EPS8: variants seen among roughly 807,000 people sequenced by gnomAD.
The protein encoded by EPS8 is epidermal growth factor receptor kinase substrate 8.
EPS8 carries 42 observed loss-of-function variants against 103.8 expected under a neutral mutation model. That is an observed-to-expected ratio of 0.40 (90% confidence interval 0.32 to 0.52). The LOEUF is 0.52. EPS8 is among the 20% of genes least tolerant of loss of function. The probability of loss-of-function intolerance (pLI) is 0.40; values close to 1 mark genes in which losing one functional copy is unlikely to be tolerated. For missense variants in EPS8, 969 were observed against 1,005.1 expected (o/e 0.96, Z 0.49); for synonymous variants, 344 against 344.6 (o/e 1.00, Z 0.02).
At chr12:15,685,760 GA>G (rs1279511390) in intron 1 of EPS8, among the ~76,000 whole-genome samples, 1 of 152,110 alleles carries the variant, frequency 6.6e-6, no homozygotes, top group East Asian at 1.9e-4. Context: ...CCATGCGGAG[GA>G]AACAATTACA....
chr12:15,624,620 C>T (rs1015209968), intron 18 of EPS8, among the ~76,000 whole-genome samples: 1 of 152,154 alleles, frequency 6.6e-6, no homozygotes, highest in South Asian at 2.1e-4. Context: ...CATTGTACTC[C>T]TTTGGCAAAA....
At chr12:15,665,943 A>G in intron 7 of EPS8, 51 bp from the exon 8 acceptor site, 2 of 1,567,428 alleles carry the variant, frequency 1.3e-6, no homozygotes, top group Non-Finnish European at 1.7e-6. Flanking sequence ...TTTCTATAAC[A>G]TATCAATTAA....
intron 13 of EPS8, 81 bp downstream of exon 13, chr12:15,654,064 G>T: frequency 7.5e-7 from 1 of 1,340,664 alleles, no homozygotes; most frequent in Non-Finnish European, 1.1e-6. Flanking sequence ...TTCGTATGTA[G>T]AAGGTTAAAT....
chr12:15,647,320 GGTCA>G lies in EPS8; in HGVS notation c.1435-64_1435-61del, dbSNP rs1945337369. On this transcript the variant is annotated intron_variant, in intron 14 of 20. Transcript: ENST00000281172. ...CAAATACTATTTGAATCAGCACTCA[GGTCA>G]GTCAACAAGATCTCTCAACTATATT... 2.0e-6 allele frequency: 3 copies of G among 1,474,260 alleles called. No homozygotes were observed. In the South Asian group the frequency reaches 3.8e-5, roughly 19 times the overall value. 91.3% of individuals were successfully genotyped at this position (1,474,260 alleles called of 1,614,324 possible).
At chr12:15,672,212 A>G (rs569933980) in intron 3 of EPS8, among the ~76,000 whole-genome samples, 2 of 152,300 alleles carry the variant, frequency 1.3e-5, no homozygotes, top group South Asian at 4.1e-4. Context: ...GTACAAAAAT[A>G]TAAAGTGCAT....
intron 14 of EPS8, 83 bp from the exon 15 acceptor site, chr12:15,647,343 C>A: frequency 8.3e-7 from 1 of 1,210,760 alleles, no homozygotes; most frequent in Non-Finnish European, 1.2e-6. Flanking sequence ...GATCTCTCAA[C>A]TATATTGTGA....
In EPS8 at chr12:15,731,175, G is replaced by A. The variant is rs1352556774; in HGVS notation, c.-21-48203C>T. Among the ~76,000 whole-genome samples, 1 of 152,178 alleles carries A rather than the reference G, an allele frequency of 6.6e-6. No homozygotes were observed. Among genetic ancestry groups the A allele is most frequent in the African/African-American group, 2.4e-5 (1 of 41,450 alleles). Reference sequence around the variant, plus strand: ...CAACTGCTATCCAGGTTTTTAGCTAGCTTAACCAAATCCTCTAAACAGAAT... The same window carrying A: ...CAACTGCTATCCAGGTTTTTAGCTAACTTAACCAAATCCTCTAAACAGAAT... On this transcript the variant is annotated intron_variant, in intron 1 of 20. Coordinates refer to ENST00000281172, the MANE Select transcript of EPS8 (RefSeq NM_004447.6). The surrounding 1 kb of genome is among the most constrained non-coding windows in gnomAD (Gnocchi z 5.1).
rs577358001 is a variant in EPS8, at chr12:15,702,741, C to T, written c.-21-19769G>A. 7.9e-5 allele frequency among the ~76,000 whole-genome samples: 12 copies of T among 152,074 alleles called. No homozygotes were observed. The highest frequency in any genetic ancestry group is 3.9e-4 in the Admixed American group (6 of 15,272). Reference sequence around the variant, plus strand: ...TGCATGCTTAATATTTTACCTATATCCAATACATATATATCCAGTATATTA... The same window carrying T: ...TGCATGCTTAATATTTTACCTATATTCAATACATATATATCCAGTATATTA... On this transcript the variant is annotated intron_variant, in intron 1 of 20. Transcript: ENST00000281172. The surrounding 1 kb of genome is among the most constrained non-coding windows in gnomAD (Gnocchi z 5.1).
intron 1 of EPS8, among the ~76,000 whole-genome samples, chr12:15,768,027 C>T (rs1250265467): frequency 6.6e-6 from 1 of 152,052 alleles, no homozygotes; most frequent in African/African-American, 2.4e-5. Context: ...TAAGTAAAAA[C>T]CAAAGACTTA....
In EPS8 at chr12:15,748,559, T is replaced by G. The variant is rs979641293; in HGVS notation, c.-22+40602A>C. Among the ~76,000 whole-genome samples the G allele has an allele frequency of 1.3e-5, 2 of 152,144 alleles. No individual in the cohort carries two copies. The highest frequency in any genetic ancestry group is 2.9e-5 in the Non-Finnish European group (2 of 68,032). On this transcript the variant is annotated intron_variant, in intron 1 of 20. Coordinates refer to ENST00000281172, the MANE Select transcript of EPS8 (RefSeq NM_004447.6). The surrounding 1 kb of genome is among the most constrained non-coding windows in gnomAD (Gnocchi z 4.8). ...CTTAAAGATCTCCAGGGAGAGAAAT[T>G]CCACAGCTCCCTTGGTATTTTTCAC...
rs549055022 is a variant in EPS8, at chr12:15,721,321, A to G, written c.-21-38349T>C. ...AAAATAAACCTAACACACACCAAATAGATTTTTTAATTGACAAATAAAACC... is the reference window on the plus strand; with the variant it reads ...AAAATAAACCTAACACACACCAAATGGATTTTTTAATTGACAAATAAAACC... On this transcript the variant is annotated intron_variant, in intron 1 of 20. Transcript: ENST00000281172. This position sits in a 1 kb window ranked among gnomAD's most constrained non-coding sequence, Gnocchi z 4.4. Among the ~76,000 whole-genome samples the G allele has an allele frequency of 5.4e-4, 83 of 152,328 alleles. 1 individual carries two copies. Among genetic ancestry groups the G allele is most frequent in the African/African-American group, 1.9e-3 (81 of 41,588 alleles).
chr12:15,775,811 TTTA>T (rs1177234382), intron 1 of EPS8, among the ~76,000 whole-genome samples: 1 of 152,196 alleles, frequency 6.6e-6, no homozygotes, highest in African/African-American at 2.4e-5. Flanking sequence ...TTAATATTTC[TTTA>T]TTGACAGATA....
chr12:15,725,624 A>T lies in EPS8; in HGVS notation c.-21-42652T>A, dbSNP rs776140690. Among the ~76,000 whole-genome samples, 4 of 152,266 alleles carry T rather than the reference A, an allele frequency of 2.6e-5. No individual in the cohort carries two copies. Among genetic ancestry groups the T allele is most frequent in the Middle Eastern group, 3.4e-3 (1 of 294 alleles). On this transcript the variant is annotated intron_variant, in intron 1 of 20. Coordinates refer to ENST00000281172, the MANE Select transcript of EPS8 (RefSeq NM_004447.6). The surrounding 1 kb of genome is among the most constrained non-coding windows in gnomAD (Gnocchi z 4.5). ...CACAATGGGTCTTCATCATATGGTGATTCACTCACCACCACAGTATCAACC... is the reference window on the plus strand; with the variant it reads ...CACAATGGGTCTTCATCATATGGTGTTTCACTCACCACCACAGTATCAACC...
chr12:15,671,206 T>C (rs1032429538), intron 3 of EPS8, among the ~76,000 whole-genome samples: 1 of 152,126 alleles, frequency 6.6e-6, no homozygotes, highest in African/African-American at 2.4e-5. Context: ...AGTTATTTCA[T>C]CTAAAGGTTT....
chr12:15,751,133 G>A lies in EPS8; in HGVS notation c.-22+38028C>T, dbSNP rs1175615207. Among the ~76,000 whole-genome samples the A allele has an allele frequency of 2.6e-5, 4 of 152,034 alleles. No homozygotes were observed. Among genetic ancestry groups the A allele is most frequent in the African/African-American group, 7.3e-5 (3 of 41,372 alleles). ...AGCTCTTTGGGAGGACGAGGCAGGC[G>A]GATCACTTGAGGTCAGGAGTTCGAG... On this transcript the variant is annotated intron_variant, in intron 1 of 20. Coordinates refer to ENST00000281172, the MANE Select transcript of EPS8 (RefSeq NM_004447.6). The surrounding 1 kb of genome is among the most constrained non-coding windows in gnomAD (Gnocchi z 4.3).
intron 15 of EPS8, among the ~76,000 whole-genome samples, chr12:15,643,124 C>T (rs1316968239): frequency 6.6e-6 from 1 of 152,110 alleles, no homozygotes; most frequent in Non-Finnish European, 1.5e-5. Context: ...ATTTAATCTA[C>T]TAAGATTTCA....
At chr12:15,711,460 G>A (rs149729603) in intron 1 of EPS8, among the ~76,000 whole-genome samples, 4 of 152,172 alleles carry the variant, frequency 2.6e-5, no homozygotes, top group South Asian at 2.1e-4. Context: ...GCTGAAAAAC[G>A]GAAACCTCTT....
At position 15,778,069 on chromosome 12, in the gene EPS8, A is replaced by G. The variant is rs150937346; in HGVS notation, c.-22+11092T>C. ...TAGCAAACATACAAATATACAAAAA[A>G]TATAGACCTTATTCCTAAATTTAAA... On this transcript the variant is annotated intron_variant, in intron 1 of 20. Coordinates refer to ENST00000281172, the MANE Select transcript of EPS8 (RefSeq NM_004447.6). This position sits in a 1 kb window ranked among gnomAD's most constrained non-coding sequence, Gnocchi z 4.5. Among the ~76,000 whole-genome samples the G allele has an allele frequency of 1.3e-5, 2 of 152,346 alleles. No homozygotes were observed. Among genetic ancestry groups the G allele is most frequent in the Non-Finnish European group, 2.9e-5 (2 of 68,040 alleles).
At chr12:15,703,197 T>C (rs1270064329) in intron 1 of EPS8, among the ~76,000 whole-genome samples, 1 of 152,174 alleles carries the variant, frequency 6.6e-6, no homozygotes, top group Non-Finnish European at 1.5e-5. Flanking sequence ...GTTCATTTGG[T>C]ATTTTTTGGA....
Sources: allele counts gnomAD v4.1 joint callset (sites outside exome capture counted in the v4.1 genomes callset), GRCh38; gene constraint gnomAD v4.1.1; non-coding constraint Gnocchi (gnomAD v3.1); transcripts MANE v1.5; gene names NCBI Gene and HGNC (gene_info 2026-07-23, HGNC 2026-07-21).